LAMC1: variants seen among roughly 807,000 people sequenced by gnomAD.
The protein encoded by LAMC1 is laminin subunit gamma 1.
A neutral mutation model predicts 173.6 loss-of-function variants in LAMC1; 38 were observed. That is an observed-to-expected ratio of 0.22 (90% CI 0.17 to 0.29). The LOEUF is 0.29. Among genes scored for constraint, LAMC1 ranks in the 10% least tolerant of loss-of-function variants. The pLI is 1.00. For synonymous variants in LAMC1, 746 were observed against 749.1 expected, an observed-to-expected ratio of 1.00 and a Z score of 0.07; for missense variants, 1,824 against 2,051.8, an observed-to-expected ratio of 0.89 and a Z score of 2.14.
At chr1:183,074,899 A>G (rs10797832) in intron 1 of LAMC1, among the ~76,000 whole-genome samples, 78,111 of 151,864 alleles carry the variant, frequency 0.51, 20,493 homozygotes, top group South Asian at 0.64. Context: ...TACCTTGGGT[A>G]TATATATTGG....
At position 183,077,269 on chromosome 1, in the gene LAMC1, T is replaced by C. The variant is rs182186948; in HGVS notation, c.419-26059T>C. Among the ~76,000 whole-genome samples the C allele has an allele frequency of 1.4e-3, 211 of 152,284 alleles. 1 individual carries two copies. The highest frequency in any genetic ancestry group is 2.6e-3 in the Non-Finnish European group (174 of 68,026). ...AATTATATAGCATTTTCATTTTACA[T>C]TGTGATCCTGTTAGTCGTTTTGGAG... On this transcript the variant is annotated intron_variant, in intron 1 of 27. Coordinates refer to ENST00000258341, the MANE Select transcript of LAMC1 (RefSeq NM_002293.4).
intron 12 of LAMC1, 26 bp from the exon 13 acceptor site, chr1:183,122,036 GT>G (rs1558055300): frequency 6.2e-7 from 1 of 1,610,122 alleles, no homozygotes; most frequent in Non-Finnish European, 8.5e-7. Context: ...ACATTTGCCT[GT>G]TTTCTCACGC....
At chr1:183,100,519 A>G (rs909464513) in intron 1 of LAMC1, among the ~76,000 whole-genome samples, 3 of 152,132 alleles carry the variant, frequency 2.0e-5, no homozygotes, top group Admixed American at 1.3e-4. Flanking sequence ...GGGCTTTCAT[A>G]CATGCCATTT....
intron 5 of LAMC1, 80 bp downstream of exon 5, chr1:183,114,799 A>G: frequency 7.2e-7 from 1 of 1,379,694 alleles, no homozygotes; most frequent in Non-Finnish European, 1.0e-6. Context: ...TTTCCAAGGC[A>G]TTTGGACAAC....
At position 183,023,860 on chromosome 1, in the gene LAMC1, G is replaced by C; in HGVS notation, c.144G>C (p.Gln48His). The change falls in exon 1 of 28, where the codon CAG becomes CAC. Residue 48 changes from glutamine (Q) to histidine (H), a missense_variant. Coordinates refer to ENST00000258341, the MANE Select transcript of LAMC1 (RefSeq NM_002293.4). ...DECTDEGGRPQRCMPEFVNAA... is the reference protein window; with the variant it reads ...DECTDEGGRPHRCMPEFVNAA... ...GCACGGACGAGGGCGGGCGGCCGCA[G>C]CGCTGCATGCCCGAGTTCGTCAACG... 1 of 1,610,778 alleles carries C rather than the reference G, an allele frequency of 6.2e-7. No homozygotes were observed. The highest frequency in any genetic ancestry group is 8.5e-7 in the Non-Finnish European group (1 of 1,178,602).
intron 1 of LAMC1, among the ~76,000 whole-genome samples, chr1:183,041,995 C>G (rs1379985385): frequency 1.3e-5 from 2 of 152,112 alleles, no homozygotes; most frequent in African/African-American, 4.8e-5. Context: ...AATAGGATGG[C>G]TAGTACATGG....
intron 1 of LAMC1, among the ~76,000 whole-genome samples, chr1:183,091,755 G>A (rs1222019834): frequency 1.3e-5 from 2 of 152,140 alleles, no homozygotes; most frequent in African/African-American, 4.8e-5. Flanking sequence ...TGAGTGTACT[G>A]AAGCAGAAGT....
intron 1 of LAMC1, among the ~76,000 whole-genome samples, chr1:183,074,971 G>A (rs1268231610): frequency 6.6e-6 from 1 of 151,900 alleles, no homozygotes; most frequent in African/African-American, 2.4e-5. Flanking sequence ...TCCCACTTAA[G>A]ACTAAAAGAA....
At chr1:183,131,528 C>G in intron 20 of LAMC1, 150 bp downstream of exon 20, 1 of 558,876 alleles carries the variant, frequency 1.8e-6, no homozygotes, top group South Asian at 2.9e-5. Context: ...GCTCTCTTTT[C>G]TAAGATATTA....
chr1:183,123,345 C>G (rs1419590795), intron 13 of LAMC1, among the ~76,000 whole-genome samples: 1 of 152,188 alleles, frequency 6.6e-6, no homozygotes, highest in South Asian at 2.1e-4. Context: ...TCACCTGCTC[C>G]CCTACAATGG....
At chr1:183,095,272 A>G (rs1464084730) in intron 1 of LAMC1, among the ~76,000 whole-genome samples, 2 of 152,138 alleles carry the variant, frequency 1.3e-5, no homozygotes, top group Admixed American at 6.5e-5. Flanking sequence ...AGTTGACCTT[A>G]GTCTATTACT....
Position 183,125,438 on chromosome 1 carries a change from A to C in LAMC1, c.2689A>C (p.Ser897Arg). The part of the protein sequence containing the change: ...NLYGTMKQQS[S>R]CNPVTGQCEC... ...GTATGGGACCATGAAGCAGCAGAGC[A>C]GCTGTAACCCCGTGACGGGGCAGTG... Residue 897 changes from serine (S) to arginine (R), a missense_variant, in exon 15 of 28, where the codon AGC (serine) becomes CGC (arginine). By Grantham distance (110) the Ser-to-Arg change is moderately radical. Transcript: ENST00000258341. 6.2e-7 allele frequency: 1 copy of C among 1,614,078 alleles called. No individual in the cohort carries two copies. The highest frequency in any genetic ancestry group is 1.1e-5 in the South Asian group (1 of 91,080).
At chr1:183,038,789 T>A (rs1654049440) in intron 1 of LAMC1, among the ~76,000 whole-genome samples, 1 of 152,202 alleles carries the variant, frequency 6.6e-6, no homozygotes, top group East Asian at 1.9e-4. Context: ...TTTGACAGTG[T>A]AAAATGGTTA....
chr1:183,142,747 T>A lies in LAMC1; in HGVS notation c.4787T>A (p.Leu1596Ter). Residue 1596 changes from leucine to a stop codon, truncating the protein, a stop_gained, in exon 28 of 28, where the codon TTA (leucine) becomes TAA (stop). Coordinates refer to ENST00000258341, the MANE Select transcript of LAMC1 (RefSeq NM_002293.4). LOFTEE classifies it high-confidence loss of function. Reference sequence around the variant, plus strand: ...AATCTGGAGGACATCAGGAAGACCTTACCATCTGGCTGCTTCAACACCCCG... The same window carrying A: ...AATCTGGAGGACATCAGGAAGACCTAACCATCTGGCTGCTTCAACACCCCG... ...IRNLEDIRKTLPSGCFNTPSI... is the reference protein window; with the variant it reads ...IRNLEDIRKT The A allele has an allele frequency of 2.5e-6, 4 of 1,613,900 alleles. No homozygotes were observed. Among genetic ancestry groups the A allele is most frequent in the Non-Finnish European group, 3.4e-6 (4 of 1,179,870 alleles).
intron 1 of LAMC1, among the ~76,000 whole-genome samples, chr1:183,081,976 T>C (rs116271757): frequency 6.6e-6 from 1 of 152,194 alleles, no homozygotes; most frequent in South Asian, 2.1e-4. Flanking sequence ...TGTCATATAG[T>C]TGGAGTAATA....
In LAMC1 at chr1:183,075,565, A is replaced by G. The variant is rs536771143; in HGVS notation, c.419-27763A>G. Among the ~76,000 whole-genome samples, 14 of 152,322 alleles carry G rather than the reference A, an allele frequency of 9.2e-5. No individual in the cohort carries two copies. The South Asian group carries it at 2.7e-3, about 29-fold the overall frequency. ...AAATTGATTTATACTTACAAATAAT[A>G]CACATATATGGTATAGTAATATATG... On this transcript the variant is annotated intron_variant, in intron 1 of 27. Transcript: ENST00000258341.
intron 1 of LAMC1, among the ~76,000 whole-genome samples, chr1:183,072,154 T>C (rs1038047857): frequency 6.6e-6 from 1 of 152,174 alleles, no homozygotes; most frequent in African/African-American, 2.4e-5. Context: ...TAATAGCACA[T>C]AGGTAGTTTG....
intron 4 of LAMC1, among the ~76,000 whole-genome samples, chr1:183,111,420 T>C (rs542571760): frequency 1.3e-5 from 2 of 152,292 alleles, no homozygotes; most frequent in African/African-American, 4.8e-5. Flanking sequence ...ATTTTTTCTT[T>C]ATCTCACTGA....
At chr1:183,054,049 G>C (rs1035812982) in intron 1 of LAMC1, among the ~76,000 whole-genome samples, 8 of 152,176 alleles carry the variant, frequency 5.3e-5, no homozygotes, top group African/African-American at 1.7e-4. Context: ...CTCTCAACAA[G>C]CAGTACTGCC....
Sources: allele counts gnomAD v4.1 joint callset (sites outside exome capture counted in the v4.1 genomes callset), GRCh38; gene constraint gnomAD v4.1.1; transcripts MANE v1.5; gene names NCBI Gene and HGNC (gene_info 2026-07-23, HGNC 2026-07-21).